Variants in STAP1 observed in about 807,000 individuals in gnomAD.
The protein encoded by STAP1 is signal transducing adaptor family member 1, also known as signal-transducing adaptor protein 1.
Under a neutral mutation model 37.8 loss-of-function variants are expected in STAP1, and 30 were observed. The ratio of observed to expected loss-of-function variants is 0.79; its 90% confidence interval spans 0.59 to 1.08. STAP1 has a LOEUF of 1.08. Among genes scored for constraint, STAP1 ranks in the 50% least tolerant of loss-of-function variants. STAP1 has a pLI of 0.00. For missense variants in STAP1, 357 were observed against 349.4 expected, an observed-to-expected ratio of 1.02 and a Z score of -0.17; for synonymous variants, 130 against 116.0, an observed-to-expected ratio of 1.12 and a Z score of -0.78.
intron 8 of STAP1, 150 bp downstream of exon 8, chr4:67,593,506 A>T: frequency 1.6e-6 from 1 of 621,848 alleles, no homozygotes; most frequent in South Asian, 2.0e-5. Context: ...TTTGTCACTC[A>T]GTCTGTGAAA....
At chr4:67,581,994 A>G (rs966771085) in intron 5 of STAP1, among the ~76,000 whole-genome samples, 3 of 152,154 alleles carry the variant, frequency 2.0e-5, no homozygotes, top group Non-Finnish European at 2.9e-5. Flanking sequence ...TATTTTTTAT[A>G]TTATTGAAAA....
At chr4:67,605,436 A>G (rs1380477204) in intron 8 of STAP1, among the ~76,000 whole-genome samples, 1 of 150,964 alleles carries the variant, frequency 6.6e-6, no homozygotes, top group Admixed American at 6.6e-5. Flanking sequence ...AGACAACCAG[A>G]TTGCTATTGG....
intron 1 of STAP1, among the ~76,000 whole-genome samples, chr4:67,568,229 A>C (rs1442868423): frequency 6.6e-6 from 1 of 152,234 alleles, no homozygotes; most frequent in East Asian, 1.9e-4. Context: ...AATATTGAAG[A>C]GACACAAAAT....
At chr4:67,583,773 C>T in intron 6 of STAP1, 71 bp downstream of exon 6, 1 of 1,536,114 alleles carries the variant, frequency 6.5e-7, no homozygotes, top group Admixed American at 1.9e-5. Flanking sequence ...TCCAGATCAG[C>T]ACCTGCTATG....
intron 1 of STAP1, among the ~76,000 whole-genome samples, chr4:67,561,175 A>C (rs921300885): frequency 5.9e-5 from 9 of 152,194 alleles, no homozygotes; most frequent in Admixed American, 5.2e-4. Flanking sequence ...GAGAGTGAGC[A>C]TGGTGATAAT....
At chr4:67,599,029 AT>A (rs1239781293) in intron 8 of STAP1, among the ~76,000 whole-genome samples, 98 of 152,330 alleles carry the variant, frequency 6.4e-4, no homozygotes, top group South Asian at 1.7e-3. Flanking sequence ...ATTGATTTAC[AT>A]ATGTTGAGTC....
chr4:67,589,283 G>T (rs1728071097), intron 6 of STAP1, among the ~76,000 whole-genome samples: 1 of 152,208 alleles, frequency 6.6e-6, no homozygotes, highest in South Asian at 2.1e-4. Context: ...ACTTGTAACT[G>T]ATTCCTGAAG....
At chr4:67,579,442 A>G (rs1431993970) in intron 4 of STAP1, among the ~76,000 whole-genome samples, 1 of 151,854 alleles carries the variant, frequency 6.6e-6, no homozygotes, top group Non-Finnish European at 1.5e-5. Flanking sequence ...TTCTATTTGT[A>G]TTAGGCCATT....
At chr4:67,575,282 T>G (rs1727692360) in intron 2 of STAP1, 103 bp from the exon 3 acceptor site, 1 of 673,224 alleles carries the variant, frequency 1.5e-6, no homozygotes, top group Admixed American at 3.8e-5. Context: ...TCATACAAAG[T>G]ACTAATTAGT....
intron 8 of STAP1, among the ~76,000 whole-genome samples, chr4:67,594,947 T>A (rs1470732365): frequency 6.6e-6 from 1 of 152,156 alleles, no homozygotes; most frequent in Admixed American, 6.5e-5. Flanking sequence ...TTTGTGTGTG[T>A]GCATGTGTGT....
At chr4:67,563,341 G>A (rs372022678) in intron 1 of STAP1, among the ~76,000 whole-genome samples, 1 of 152,230 alleles carries the variant, frequency 6.6e-6, no homozygotes, top group African/African-American at 2.4e-5. Flanking sequence ...CCCATTCTAG[G>A]CTCTTAGTGT....
chr4:67,593,255 T>TC lies in STAP1; in HGVS notation c.730-5_730-4insC, dbSNP rs1728158758. On this transcript the variant is annotated splice_polypyrimidine_tract_variant and splice_region_variant and intron_variant, in intron 7 of 8. Transcript: ENST00000265404. ...TGAGTTTTCTCTCACTCTCTATTAATACAGGTAACACTCCCAAACCTTTTC... is the reference window on the plus strand; with the variant it reads ...TGAGTTTTCTCTCACTCTCTATTAATCACAGGTAACACTCCCAAACCTTTTC... The TC allele has an allele frequency of 6.2e-7, 1 of 1,607,372 alleles. No homozygotes were observed. Among genetic ancestry groups the TC allele is most frequent in the Non-Finnish European group, 8.5e-7 (1 of 1,176,006 alleles).
chr4:67,587,715 CTTTCTTTT>C (rs1728015038), intron 6 of STAP1, among the ~76,000 whole-genome samples: 4 of 100,448 alleles, frequency 4.0e-5, no homozygotes, highest in South Asian at 3.7e-4. Context: ...CCTTTTCTTT[CTTTCTTTT>C]TTTTTTTTTT....
At chr4:67,592,445 T>C (rs1241845587) in intron 7 of STAP1, among the ~76,000 whole-genome samples, 2 of 152,200 alleles carry the variant, frequency 1.3e-5, no homozygotes, top group Non-Finnish European at 2.9e-5. Flanking sequence ...GCTTAAATTC[T>C]CTGGTTTTAA....
intron 1 of STAP1, among the ~76,000 whole-genome samples, chr4:67,564,280 C>T (rs1727416937): frequency 6.6e-6 from 1 of 152,084 alleles, no homozygotes; most frequent in African/African-American, 2.4e-5. Flanking sequence ...ACTTGCTTTT[C>T]CCCCCATTTA....
intron 1 of STAP1, among the ~76,000 whole-genome samples, chr4:67,560,165 T>C (rs754101510): frequency 6.6e-6 from 1 of 152,214 alleles, no homozygotes; most frequent in South Asian, 2.1e-4. Context: ...TAGCAGTTTT[T>C]TTTAAATGCT....
At chr4:67,581,174 T>C (rs902800574) in intron 4 of STAP1, 131 bp from the exon 5 acceptor site, 6 of 802,896 alleles carry the variant, frequency 7.5e-6, no homozygotes, top group Non-Finnish European at 1.1e-5. Flanking sequence ...TGTTTCTTAT[T>C]CCCTTAGTCC....
intron 8 of STAP1, among the ~76,000 whole-genome samples, chr4:67,596,600 C>A (rs1363601679): frequency 6.6e-6 from 1 of 152,076 alleles, no homozygotes; most frequent in Non-Finnish European, 1.5e-5. Flanking sequence ...ACAATGAAGT[C>A]CAGGCTAGGT....
chr4:67,579,718 A>G (rs916863082), intron 4 of STAP1, among the ~76,000 whole-genome samples: 5 of 152,146 alleles, frequency 3.3e-5, no homozygotes, highest in Admixed American at 3.3e-4. Context: ...ACCCACTAAC[A>G]TGAGAAAAGC....
Sources: gnomAD v4.1 joint callset for allele counts (sites outside exome capture counted in the v4.1 genomes callset) on GRCh38, gnomAD v4.1.1 for gene constraint, MANE v1.5 for transcripts, NCBI Gene and HGNC (gene_info 2026-07-23, HGNC 2026-07-21) for gene names.